Variants in KIAA1614 observed in about 807,000 individuals in gnomAD.
KIAA1614 encodes KIAA1614, also known as uncharacterized protein KIAA1614.
A neutral mutation model predicts 88.7 loss-of-function variants in KIAA1614; 76 were observed. The observed-to-expected ratio is 0.86, with a 90% CI of 0.71 to 1.04. The LOEUF is 1.04. Among genes scored for constraint, KIAA1614 ranks in the 50% least tolerant of loss-of-function variants. The pLI is 0.00. For synonymous variants in KIAA1614, 714 were observed against 675.5 expected (o/e 1.06, Z -0.88); for missense variants, 1,553 against 1,582.5 (o/e 0.98, Z 0.32).
chr1:180,943,550 C>CTTTTTTTTTTTT (rs60128001), intron 7 of KIAA1614, among the ~76,000 whole-genome samples: 28,467 of 96,164 alleles, frequency 0.3, 6,862 homozygotes, highest in South Asian at 0.37. Flanking sequence ...GGTAGTAGAT[C>CTTTTTTTTTTTT]TTTTTTTTTT....
In KIAA1614 at chr1:180,950,569, G is replaced by A. The variant is rs1462390006; in HGVS notation, c.*4981G>A. 18 of 1,073,300 alleles carry A rather than the reference G, an allele frequency of 1.7e-5. No individual in the cohort carries two copies. The highest frequency in any genetic ancestry group is 2.1e-5 in the Non-Finnish European group (18 of 875,298). The allele number at this position is 1,073,300 out of a possible 1,614,324, so 66.5% of individuals were successfully genotyped here. A position where few individuals can be genotyped will look rare whatever the true frequency, so the allele number is the denominator to read the frequency against. Reference sequence around the variant, plus strand: ...CCGCTGCCCTCACTGTCACGGCCTCGGAAGCCCTGAAGCACTCAGGGTGGT... The same window carrying A: ...CCGCTGCCCTCACTGTCACGGCCTCAGAAGCCCTGAAGCACTCAGGGTGGT... On this transcript the variant is annotated 3_prime_UTR_variant, in exon 9 of 9. Coordinates refer to ENST00000367588, the MANE Select transcript of KIAA1614 (RefSeq NM_020950.2).
chr1:180,913,842 A>G (rs552961689), intron 1 of KIAA1614: 1 of 152,342 alleles, frequency 6.6e-6, no homozygotes, highest in South Asian at 2.1e-4. Context: ...AGAGGAGAAG[A>G]AGGAGATGCA....
Position 180,928,461 on chromosome 1 carries a change from A to T in KIAA1614, c.1093A>T (p.Ser365Cys). The T allele has an allele frequency of 6.2e-7, 1 of 1,613,226 alleles. No homozygotes were observed. Among genetic ancestry groups the T allele is most frequent in the Middle Eastern group, 1.7e-4 (1 of 6,058 alleles). Residue 365 changes from serine (S) to cysteine (C), a missense_variant, in exon 4 of 9, where the codon AGC becomes TGC. Physicochemically the swap from Ser to Cys is moderately radical, Grantham distance 112 (BLOSUM62 -1). Transcript: ENST00000367588. ...TGGTCCCAACCCGGAGCCTGTGCTG[A>T]GCCCCAGGCATGAGGAAGCCACGCA... is the stretch of plus-strand genomic sequence containing the variant. ...TVGPNPEPVL[S>C]PRHEEATHLL... is the part of the protein sequence containing the mutation.
At chr1:180,913,423 T>G in intron 1 of KIAA1614, 130 bp downstream of exon 1, 1 of 492,714 alleles carries the variant, frequency 2.0e-6, no homozygotes, top group African/African-American at 2.0e-5. Context: ...GCTGGAAGGG[T>G]CGTGGGGAGG....
chr1:180,944,920 C>T lies in KIAA1614; in HGVS notation c.3288-383C>T, dbSNP rs190922034. 8.3e-4 allele frequency: 224 copies of T among 268,658 alleles called. 1 individual carries two copies. Among genetic ancestry groups the T allele is most frequent in the African/African-American group, 4.6e-3 (205 of 44,682 alleles). 16.6% of individuals were successfully genotyped at this position (268,658 alleles called of 1,614,324 possible). ...CCTGCTTGGAAAATCCCACCCTGTC[C>T]GATGAGGCCCTGTAGGCTGGCTGCT... is the stretch of plus-strand genomic sequence containing the variant. On this transcript the variant is annotated intron_variant, in intron 8 of 8. Transcript: ENST00000367588.
In KIAA1614 at chr1:180,935,650, C is replaced by T. The variant is rs1420103241; in HGVS notation, c.1741C>T (p.Arg581Trp). The T allele has an allele frequency of 5.0e-6, 8 of 1,612,340 alleles. No individual in the cohort carries two copies. In the Admixed American group the frequency reaches 5.0e-5, roughly 10 times the overall value. The change falls in exon 5 of 9, where the codon CGG becomes TGG. Residue 581 changes from arginine to tryptophan, a missense_variant. Coordinates refer to ENST00000367588, the MANE Select transcript of KIAA1614 (RefSeq NM_020950.2). The surrounding 1 kb of genome is among the most constrained non-coding windows in gnomAD (Gnocchi z 6.1). The part of the protein sequence containing the change: ...RVLGGLSSPL[R>W]LLPAEPRLHM... ...GCTGGGTGGCCTGAGCTCCCCACTC[C>T]GGCTCCTTCCTGCAGAGCCCCGGCT...
chr1:180,916,112 C>A, intron 1 of KIAA1614, 42 bp from the exon 2 acceptor site: 1 of 1,484,074 alleles, frequency 6.7e-7, no homozygotes, highest in Non-Finnish European at 9.0e-7. Flanking sequence ...GGGGGTTAGT[C>A]CTGTGCTGGG....
rs1654384992 is a variant in KIAA1614, at chr1:180,938,630, CAG to C, written c.2840_2841del (p.Glu947GlyfsTer226). ...ACGGGCATCACCCTCTCCCTGTCCT[CAG>C]AGGAGTCAGAGTCCAGCAAGGAATC... On this transcript the variant is annotated frameshift_variant, in exon 6 of 9. Coordinates refer to ENST00000367588, the MANE Select transcript of KIAA1614 (RefSeq NM_020950.2). LOFTEE classifies it high-confidence loss of function. 8 of 1,614,166 alleles carry C rather than the reference CAG, an allele frequency of 5.0e-6. No homozygotes were observed. The East Asian group carries it at 1.8e-4, about 36-fold the overall frequency.
intron 3 of KIAA1614, 172 bp from the exon 4 acceptor site, chr1:180,928,244 AGCCCCAGGCCCCAG>A (rs541169888): frequency 1.9e-5 from 13 of 677,008 alleles, no homozygotes; most frequent in East Asian, 1.2e-4. Context: ...GCCATTTCCC[AGCCCCAGGCCCCAG>A]GCCCCAGGCC....
intron 6 of KIAA1614, among the ~76,000 whole-genome samples, chr1:180,939,409 G>A (rs146314725): frequency 6.2e-4 from 95 of 152,186 alleles, no homozygotes; most frequent in Admixed American, 2.9e-3. Context: ...CAACTGCTTC[G>A]CCCATGTCCC....
rs1284136099 is a variant in KIAA1614, at chr1:180,949,252, AG to A, written c.*3665del. 6.6e-6 allele frequency: 1 copy of A among 152,318 alleles called. No individual in the cohort carries two copies. Among genetic ancestry groups the A allele is most frequent in the Non-Finnish European group, 1.5e-5 (1 of 68,088 alleles). 9.4% of individuals were successfully genotyped at this position (152,318 alleles called of 1,614,324 possible). On this transcript the variant is annotated 3_prime_UTR_variant, in exon 9 of 9. Transcript: ENST00000367588. ...TGCGCTGAGCAGCCTGAATTCCGCC[AG>A]TGCTGATGCCCACACCAGGGGTGTG...
In KIAA1614 at chr1:180,949,193, G is replaced by A. The variant is rs1426321763; in HGVS notation, c.*3605G>A. On this transcript the variant is annotated 3_prime_UTR_variant, in exon 9 of 9. Transcript: ENST00000367588. The stretch of plus-strand genomic sequence containing the variant: ...TCATGTCTGAAATGCAGAGTGAGCC[G>A]AGCTGGGCTGCGAACAGCGAGGGTG... The A allele has an allele frequency of 6.6e-6, 1 of 152,386 alleles. No individual in the cohort carries two copies. Among genetic ancestry groups the A allele is most frequent in the African/African-American group, 2.4e-5 (1 of 41,476 alleles). 9.4% of individuals were successfully genotyped at this position (152,386 alleles called of 1,614,324 possible). A position where few individuals can be genotyped will look rare whatever the true frequency, so the allele number is the denominator to read the frequency against.
At chr1:180,922,781 G>A (rs771869383) in intron 3 of KIAA1614, among the ~76,000 whole-genome samples, 1 of 152,172 alleles carries the variant, frequency 6.6e-6, no homozygotes, top group Non-Finnish European at 1.5e-5. Context: ...GCAGACCCCA[G>A]CTGGCTGCCC....
chr1:180,913,091 C>A lies in KIAA1614; in HGVS notation c.-153C>A, dbSNP rs1194435556. The A allele has an allele frequency of 2.2e-6, 1 of 454,538 alleles. No individual in the cohort carries two copies. The highest frequency in any genetic ancestry group is 3.5e-6 in the Non-Finnish European group (1 of 287,520). The allele number at this position is 454,538 out of a possible 1,614,324, so 28.2% of individuals were successfully genotyped here. ...CCGGGAGCTGGCCCGGCCTCGGCGC[C>A]GTCCCGGACCCCCAGTCGGCCGCGC... On this transcript the variant is annotated 5_prime_UTR_variant, in exon 1 of 9. Transcript: ENST00000367588.
intron 3 of KIAA1614, 110 bp from the exon 4 acceptor site, chr1:180,928,320 C>T: frequency 1.6e-6 from 2 of 1,270,748 alleles, no homozygotes; most frequent in Middle Eastern, 2.0e-4. Flanking sequence ...GCTGCACATG[C>T]AGGGCTTTTT....
intron 7 of KIAA1614, among the ~76,000 whole-genome samples, chr1:180,942,730 T>C (rs1191735956): frequency 1.3e-5 from 2 of 152,136 alleles, no homozygotes; most frequent in East Asian, 3.9e-4. Context: ...GACTTCCATC[T>C]CTGTAAGCCC....
At chr1:180,920,215 C>G (rs1427920698) in intron 3 of KIAA1614, among the ~76,000 whole-genome samples, 1 of 152,184 alleles carries the variant, frequency 6.6e-6, no homozygotes, top group African/African-American at 2.4e-5. Flanking sequence ...TCCCCAAGAC[C>G]CTGCAGGGCT....
chr1:180,935,722 C>A lies in KIAA1614; in HGVS notation c.1813C>A (p.Pro605Thr). The A allele has an allele frequency of 6.2e-7, 1 of 1,613,750 alleles. No individual in the cohort carries two copies. Among genetic ancestry groups the A allele is most frequent in the South Asian group, 1.1e-5 (1 of 91,082 alleles). Residue 605 changes from proline to threonine, a missense_variant, in exon 5 of 9, where the codon CCT becomes ACT. By Grantham distance (38) the Pro-to-Thr change is conservative. Coordinates refer to ENST00000367588, the MANE Select transcript of KIAA1614 (RefSeq NM_020950.2). The surrounding 1 kb of genome is among the most constrained non-coding windows in gnomAD (Gnocchi z 6.1). ...RETHIGDTVC[P>T]AEVDSALDST... ...AACACACATCGGAGACACCGTGTGC[C>A]CTGCGGAGGTGGACTCTGCCCTGGA...
At chr1:180,923,803 C>T (rs1051766378) in intron 3 of KIAA1614, among the ~76,000 whole-genome samples, 3 of 151,992 alleles carry the variant, frequency 2.0e-5, no homozygotes, top group African/African-American at 7.3e-5. Context: ...CCAGCATGCC[C>T]AGGGCTGTAG....
Sources: allele counts gnomAD v4.1 joint callset (sites outside exome capture counted in the v4.1 genomes callset), GRCh38; gene constraint gnomAD v4.1.1; non-coding constraint Gnocchi (gnomAD v3.1); transcripts MANE v1.5; gene names NCBI Gene and HGNC (gene_info 2026-07-23, HGNC 2026-07-21).